The following KPNA4 variants were observed in gnomAD, a reference collection of about 807,000 sequenced individuals.
KPNA4 encodes karyopherin subunit alpha 4, also known as importin subunit alpha-3.
A neutral mutation model predicts 71.3 loss-of-function variants in KPNA4; 13 were observed. The observed-to-expected ratio is 0.18, with a 90% CI of 0.12 to 0.29. KPNA4 has a LOEUF of 0.29. KPNA4 is among the 10% of genes least tolerant of loss of function. KPNA4 has a pLI of 1.00. For synonymous variants in KPNA4, 189 were observed against 195.2 expected (o/e 0.97, Z 0.26); for missense variants, 334 against 603.2 (o/e 0.55, Z 4.67).
At chr3:160,532,608 T>G (rs1025436752) in intron 5 of KPNA4, among the ~76,000 whole-genome samples, 1 of 152,228 alleles carries the variant, frequency 6.6e-6, no homozygotes, top group Non-Finnish European at 1.5e-5. Context: ...CAGGTTTAGC[T>G]GATAAGTCCT....
In KPNA4 at chr3:160,537,204, T is replaced by C. The variant is rs542726145; in HGVS notation, c.70-364A>G. 4.6e-5 allele frequency among the ~76,000 whole-genome samples: 7 copies of C among 151,420 alleles called. No individual in the cohort carries two copies. The South Asian group carries it at 1.5e-3, about 32-fold the overall frequency. On this transcript the variant is annotated intron_variant, in intron 1 of 16. Coordinates refer to ENST00000334256, the MANE Select transcript of KPNA4 (RefSeq NM_002268.5). ...ACAAAAAATAACACACGTACAAGAT[T>C]AGTAAATTCAACTATTTAAAAAAAA...
In KPNA4 at chr3:160,521,899, G is replaced by A. The variant is rs533879206; in HGVS notation, c.783C>T (p.Asp261=). 12 of 1,610,160 alleles carry A rather than the reference G, an allele frequency of 7.5e-6. No individual in the cohort carries two copies. In the African/African-American group the frequency reaches 9.3e-5, roughly 13 times the overall value. Residue 261 remains aspartate, a synonymous_variant, in exon 11 of 17, where the codon GAC becomes GAT. Transcript: ENST00000334256. ...IHHTDVNILV[D]TVWALSYLTD... The stretch of plus-strand genomic sequence containing the variant: ...TAAGGTAAGAGAGGGCCCAGACTGT[G>A]TCTACCAGTATCTAATGAATAAAAT...
rs1303147736 is a variant in KPNA4, at chr3:160,515,564, G to C, written c.920C>G (p.Ala307Gly). ...AGTTCCAGTAACAATGTTGCCCACA[G>C]CTCTAAGTGCAGCAGTCTGAAATGC... is the stretch of plus-strand genomic sequence containing the variant. ...EVKVQTAALR[A>G]VGNIVTGTDE... Residue 307 changes from alanine (A) to glycine (G), a missense_variant, in exon 12 of 17, where the codon GCT (alanine) becomes GGT (glycine). Physicochemically the swap from Ala to Gly is moderately conservative, Grantham distance 60. Coordinates refer to ENST00000334256, the MANE Select transcript of KPNA4 (RefSeq NM_002268.5). The C allele has an allele frequency of 6.2e-6, 10 of 1,613,338 alleles. No individual in the cohort carries two copies. The highest frequency in any genetic ancestry group is 1.3e-5 in the African/African-American group (1 of 74,812).
At chr3:160,508,561 A>G (rs1721031499) in intron 14 of KPNA4, among the ~76,000 whole-genome samples, 1 of 152,172 alleles carries the variant, frequency 6.6e-6, no homozygotes, top group Non-Finnish European at 1.5e-5. Flanking sequence ...TTTCCCTTTA[A>G]GAGTAAGAAA....
intron 1 of KPNA4, among the ~76,000 whole-genome samples, chr3:160,539,988 TTTTTC>T (rs1165406928): frequency 4.1e-5 from 6 of 146,496 alleles, no homozygotes; most frequent in South Asian, 2.1e-4. Flanking sequence ...AAAAATTTTC[TTTTTC>T]TTTTCTTTTT....
intron 1 of KPNA4, among the ~76,000 whole-genome samples, chr3:160,540,288 C>T (rs1221390719): frequency 6.6e-6 from 1 of 152,086 alleles, no homozygotes; most frequent in South Asian, 2.1e-4. Context: ...CGTGAGCCAC[C>T]GCGCCTGACC....
Position 160,500,978 on chromosome 3 carries a change from G to A in KPNA4, c.*1126C>T, listed in dbSNP as rs1720865399. ...ACAAAATCTAAAAATGAACTATGCTGTAGATTTACCTCATGCAAAGATCTT... is the reference window on the plus strand; with the variant it reads ...ACAAAATCTAAAAATGAACTATGCTATAGATTTACCTCATGCAAAGATCTT... On this transcript the variant is annotated 3_prime_UTR_variant, in exon 17 of 17. Coordinates refer to ENST00000334256, the MANE Select transcript of KPNA4 (RefSeq NM_002268.5). 1.3e-5 allele frequency: 2 copies of A among 152,508 alleles called. No homozygotes were observed. The highest frequency in any genetic ancestry group is 4.8e-5 in the African/African-American group (2 of 41,416). 9.4% of individuals were successfully genotyped at this position (152,508 alleles called of 1,614,324 possible).
intron 10 of KPNA4, 95 bp downstream of exon 10, chr3:160,525,705 A>C: frequency 1.6e-6 from 1 of 614,582 alleles, no homozygotes; most frequent in Non-Finnish European, 2.5e-6. Flanking sequence ...TGCTGACACA[A>C]TGTGTTAGTA....
chr3:160,518,414 C>T (rs1451736839), intron 11 of KPNA4, among the ~76,000 whole-genome samples: 1 of 150,700 alleles, frequency 6.6e-6, no homozygotes, highest in East Asian at 2.0e-4. Context: ...GGATTACAGG[C>T]GTGAGCCACC....
At chr3:160,544,839 G>C (rs1485281186) in intron 1 of KPNA4, among the ~76,000 whole-genome samples, 2 of 151,974 alleles carry the variant, frequency 1.3e-5, no homozygotes, top group African/African-American at 4.8e-5. Context: ...TACCAAATGT[G>C]TAAGCAAGAG....
At chr3:160,505,098 C>A (rs878859696) in intron 15 of KPNA4, 46 bp from the exon 16 acceptor site, 1 of 995,668 alleles carries the variant, frequency 1.0e-6, no homozygotes, top group South Asian at 1.9e-5. Context: ...ATTTAAAGAG[C>A]AGTGACAAGT....
chr3:160,508,668 T>C (rs990043677), intron 14 of KPNA4, among the ~76,000 whole-genome samples: 3 of 152,014 alleles, frequency 2.0e-5, no homozygotes, highest in African/African-American at 4.8e-5. Flanking sequence ...GGTCTCACTA[T>C]GTTGCGCAGG....
intron 11 of KPNA4, among the ~76,000 whole-genome samples, chr3:160,519,981 A>T (rs981438227): frequency 6.6e-6 from 1 of 152,178 alleles, no homozygotes; most frequent in African/African-American, 2.4e-5. Context: ...GTTGAAAAGT[A>T]TAAGAAAATC....
Position 160,500,418 on chromosome 3 carries a change from ATGG to A in KPNA4, c.*1683_*1685del, listed in dbSNP as rs1457622800. ...AAACACAAAGTAGATATAGATGCTA[ATGG>A]TGGCTAATCTGGTATGTTTCTTATA... On this transcript the variant is annotated 3_prime_UTR_variant, in exon 17 of 17. Transcript: ENST00000334256. The A allele has an allele frequency of 6.6e-6, 1 of 152,652 alleles. No individual in the cohort carries two copies. Among genetic ancestry groups the A allele is most frequent in the East Asian group, 1.9e-4 (1 of 5,198 alleles). The allele number at this position is 152,652 out of a possible 1,614,324, so 9.5% of individuals were successfully genotyped here.
At chr3:160,521,643 T>G (rs1721351458) in intron 11 of KPNA4, 136 bp downstream of exon 11, 5 of 799,852 alleles carry the variant, frequency 6.3e-6, no homozygotes, top group Non-Finnish European at 1.0e-5. Flanking sequence ...TTATTATTTA[T>G]TTTCCCCTTT....
chr3:160,518,370 C>T (rs1391514441), intron 11 of KPNA4, among the ~76,000 whole-genome samples: 12 of 149,622 alleles, frequency 8.0e-5, no homozygotes, highest in Admixed American at 8.0e-4. Flanking sequence ...CTCCTGACCT[C>T]GTGATCCGCC....
At chr3:160,527,325 A>G (rs1417991780) in intron 8 of KPNA4, among the ~76,000 whole-genome samples, 2 of 152,132 alleles carry the variant, frequency 1.3e-5, no homozygotes, top group African/African-American at 2.4e-5. Flanking sequence ...AAATATCAGA[A>G]TTGTCTTTAT....
At chr3:160,544,741 T>C (rs1381689005) in intron 1 of KPNA4, among the ~76,000 whole-genome samples, 3 of 152,210 alleles carry the variant, frequency 2.0e-5, no homozygotes. Flanking sequence ...AGCTTTTATA[T>C]TACTGCTTGA....
At chr3:160,542,713 T>C (rs1721823309) in intron 1 of KPNA4, among the ~76,000 whole-genome samples, 1 of 152,140 alleles carries the variant, frequency 6.6e-6, no homozygotes, top group Non-Finnish European at 1.5e-5. Flanking sequence ...AGAATCAAGT[T>C]CTTATCTCTT....
Sources: gnomAD v4.1 joint callset for allele counts (sites outside exome capture counted in the v4.1 genomes callset) on GRCh38, gnomAD v4.1.1 for gene constraint, MANE v1.5 for transcripts, NCBI Gene and HGNC (gene_info 2026-07-23, HGNC 2026-07-21) for gene names.